BORCS8: variants seen among roughly 807,000 people sequenced by gnomAD.
The protein encoded by BORCS8 is BLOC-1 related complex subunit 8.
A neutral mutation model predicts 18.7 loss-of-function variants in BORCS8; 13 were observed. That is an observed-to-expected ratio of 0.70 (90% CI 0.45 to 1.11). BORCS8 has a LOEUF of 1.11. Ranked by LOEUF, BORCS8 falls within the 50% of genes least tolerant of loss-of-function variation. BORCS8 has a pLI of 0.00. For synonymous variants in BORCS8, 68 were observed against 64.8 expected, an observed-to-expected ratio of 1.05 and a Z score of -0.24; for missense variants, 165 against 165.7, an observed-to-expected ratio of 1.00 and a Z score of 0.02.
At chr19:19,181,700 T>C (rs2060350694) in intron 4 of BORCS8, among the ~76,000 whole-genome samples, 1 of 152,206 alleles carries the variant, frequency 6.6e-6, no homozygotes. Flanking sequence ...GAGGGAAGAT[T>C]GCTACACTCC....
intron 3 of BORCS8, among the ~76,000 whole-genome samples, chr19:19,185,300 C>A (rs1313883668): frequency 1.3e-5 from 2 of 152,214 alleles, no homozygotes; most frequent in Non-Finnish European, 2.9e-5. Context: ...ACTTCCAAGG[C>A]CAACTGGGCA....
intron 4 of BORCS8, 98 bp from the exon 5 acceptor site, chr19:19,180,859 C>A (rs538300339): frequency 7.8e-7 from 1 of 1,285,316 alleles, no homozygotes; most frequent in East Asian, 2.6e-5. Context: ...ACTCTGGTCT[C>A]AAAGACCTCT....
At chr19:19,184,305 CTTT>C (rs900454275) in intron 3 of BORCS8, among the ~76,000 whole-genome samples, 6 of 108,516 alleles carry the variant, frequency 5.5e-5, no homozygotes, top group Non-Finnish European at 9.9e-5. Flanking sequence ...TTTTTCCTTT[CTTT>C]TTTTTTTTTT....
At chr19:19,179,803 A>ACGT (rs1207085131) in intron 5 of BORCS8, 2 of 152,860 alleles carry the variant, frequency 1.3e-5, no homozygotes, top group African/African-American at 4.8e-5. Flanking sequence ...GGGCCTGGCC[A>ACGT]CGTGACTGGC....
intron 4 of BORCS8, among the ~76,000 whole-genome samples, chr19:19,181,688 T>C (rs1488759625): frequency 1.3e-5 from 2 of 152,138 alleles, no homozygotes; most frequent in Non-Finnish European, 2.9e-5. Context: ...ATGCTACCGT[T>C]TGAGGGAAGA....
At position 19,180,849 on chromosome 19, in the gene BORCS8, A is replaced by G. The variant is rs949699921; in HGVS notation, c.327-88T>C. On this transcript the variant is annotated intron_variant, in intron 4 of 5. Coordinates refer to ENST00000462790, the MANE Select transcript of BORCS8 (RefSeq NM_001145784.2). ...TGGCTGGAGTGTATGTTTGGGTGAT[A>G]CTCTGGTCTCAAAGACCTCTGGCTT... 4.4e-6 allele frequency: 6 copies of G among 1,359,444 alleles called. No homozygotes were observed. In the African/African-American group the frequency reaches 8.9e-5, roughly 20 times the overall value. 84.2% of individuals were successfully genotyped at this position (1,359,444 alleles called of 1,614,324 possible).
Position 19,182,744 on chromosome 19 carries a change from C to T in BORCS8, c.216-61G>A. On this transcript the variant is annotated intron_variant, in intron 3 of 5. Coordinates refer to ENST00000462790, the MANE Select transcript of BORCS8 (RefSeq NM_001145784.2). The surrounding 1 kb of genome is among the most constrained non-coding windows in gnomAD (Gnocchi z 4.1). Reference sequence around the variant, plus strand: ...ACCTGCAGGTAACTGTCCCACACCCCAGCACTTGAGGTCACCACCAGGGCT... The same window carrying T: ...ACCTGCAGGTAACTGTCCCACACCCTAGCACTTGAGGTCACCACCAGGGCT... The T allele has an allele frequency of 1.3e-6, 2 of 1,493,638 alleles. No individual in the cohort carries two copies. Among genetic ancestry groups the T allele is most frequent in the Non-Finnish European group, 1.8e-6 (2 of 1,116,570 alleles). The allele number at this position is 1,493,638 out of a possible 1,614,324, so 92.5% of individuals were successfully genotyped here.
chr19:19,177,724 A>G (rs1296627978), intron 5 of BORCS8: 15 of 173,862 alleles, frequency 8.6e-5, no homozygotes, highest in Admixed American at 3.3e-4. Flanking sequence ...AAAAGAAAAG[A>G]AAAGAAAAGA....
At chr19:19,180,488 C>T (rs969527381) in intron 5 of BORCS8, 198 bp downstream of exon 5, 6 of 600,316 alleles carry the variant, frequency 1.0e-5, no homozygotes, top group Non-Finnish European at 1.8e-5. Flanking sequence ...GAGAGATGGG[C>T]TGACATGGTC....
chr19:19,180,230 G>A (rs929560866), intron 5 of BORCS8: 1 of 202,212 alleles, frequency 4.9e-6, no homozygotes, highest in Non-Finnish European at 1.0e-5. Context: ...GACCAGAGAG[G>A]GTAGTGAATT....
At chr19:19,183,422 A>AT (rs1057249021) in intron 3 of BORCS8, among the ~76,000 whole-genome samples, 12 of 151,434 alleles carry the variant, frequency 7.9e-5, no homozygotes, top group Admixed American at 4.0e-4. Flanking sequence ...AAAAAAAAAA[A>AT]AAATATACAT....
At position 19,182,389 on chromosome 19, in the gene BORCS8, A is replaced by G; in HGVS notation, c.326+184T>C. 1 of 1,395,262 alleles carries G rather than the reference A, an allele frequency of 7.2e-7. No individual in the cohort carries two copies. 86.4% of individuals were successfully genotyped at this position (1,395,262 alleles called of 1,614,324 possible). ...GGCCAGGCACACAGCAGAGCGCAGG[A>G]CCTCGGTATTAAGTGACTGAACTCA... On this transcript the variant is annotated intron_variant, in intron 4 of 5. Coordinates refer to ENST00000462790, the MANE Select transcript of BORCS8 (RefSeq NM_001145784.2). This position sits in a 1 kb window ranked among gnomAD's most constrained non-coding sequence, Gnocchi z 4.1.
At chr19:19,183,448 TGTTCGCTG>T (rs2060370983) in intron 3 of BORCS8, among the ~76,000 whole-genome samples, 1 of 151,302 alleles carries the variant, frequency 6.6e-6, no homozygotes, top group Admixed American at 6.6e-5. Context: ...TACAGACAAA[TGTTCGCTG>T]GCCTCCCGCC....
rs371371937 is a variant in BORCS8 at position 19,192,147 on chromosome 19, G to A, written c.-30C>T. The A allele has an allele frequency of 1.2e-5, 19 of 1,550,870 alleles. No individual in the cohort carries two copies. In the South Asian group the frequency reaches 2.3e-4, roughly 18 times the overall value. ...ACCGCGGCCGAGCGAACCGGGAAAC[G>A]GCACCGGAAGCCCGGAGGTTGGGAC... On this transcript the variant is annotated 5_prime_UTR_variant, in exon 1 of 6. Transcript: ENST00000462790.
chr19:19,183,082 C>T (rs1379130335), intron 3 of BORCS8, among the ~76,000 whole-genome samples: 2 of 152,112 alleles, frequency 1.3e-5, no homozygotes, highest in African/African-American at 4.8e-5. Flanking sequence ...TTGAGACCAG[C>T]CTGGGCAACA....
At chr19:19,180,339 G>A (rs531742539) in intron 5 of BORCS8, 12 of 324,286 alleles carry the variant, frequency 3.7e-5, no homozygotes, top group African/African-American at 6.6e-5. Flanking sequence ...GACTGTGCAC[G>A]GGTAAAGCAG....
chr19:19,180,813 G>C (rs536576566), intron 4 of BORCS8, 52 bp from the exon 5 acceptor site: 2 of 1,501,176 alleles, frequency 1.3e-6, no homozygotes, highest in Non-Finnish European at 1.8e-6. Context: ...AGGCCACAAG[G>C]CTTGCTCAGC....
rs957571967 is a variant in BORCS8, at chr19:19,186,028, G to A, written c.215+6C>T. On this transcript the variant is annotated splice_donor_region_variant and intron_variant, in intron 3 of 5. Coordinates refer to ENST00000462790, the MANE Select transcript of BORCS8 (RefSeq NM_001145784.2). ...GGCCCTGCAGCGGGGAGGCTGTGGC[G>A]CTCACCTGCAGGCGTACTCCACAGT... The A allele has an allele frequency of 2.6e-6, 4 of 1,550,288 alleles. No homozygotes were observed. Among genetic ancestry groups the A allele is most frequent in the East Asian group, 2.4e-5 (1 of 40,924 alleles).
chr19:19,181,099 G>A (rs1479823796), intron 4 of BORCS8, among the ~76,000 whole-genome samples: 5 of 152,068 alleles, frequency 3.3e-5, no homozygotes, highest in African/African-American at 1.2e-4. Flanking sequence ...AGAGGCTGAG[G>A]CACGAGAATC....
Sources: allele counts gnomAD v4.1 joint callset (sites outside exome capture counted in the v4.1 genomes callset), GRCh38; gene constraint gnomAD v4.1.1; non-coding constraint Gnocchi (gnomAD v3.1); transcripts MANE v1.5; gene names NCBI Gene and HGNC (gene_info 2026-07-23, HGNC 2026-07-21).